Variants in SGMS1 observed in about 807,000 individuals in gnomAD.
SGMS1 encodes phosphatidylcholine:ceramide cholinephosphotransferase 1.
Under a neutral mutation model 46.2 loss-of-function variants are expected in SGMS1, and 13 were observed. That is an observed-to-expected ratio of 0.28 (90% confidence interval 0.18 to 0.45). SGMS1 has a LOEUF of 0.45. Among genes scored for constraint, SGMS1 ranks in the 20% least tolerant of loss-of-function variants. The pLI is 1.00. For synonymous variants in SGMS1, 203 were observed against 187.8 expected (o/e 1.08, Z -0.66); for missense variants, 324 against 519.9 (o/e 0.62, Z 3.66).
At chr10:50,393,255 A>G (rs1848801605) in intron 6 of SGMS1, among the ~76,000 whole-genome samples, 1 of 152,192 alleles carries the variant, frequency 6.6e-6, no homozygotes. Context: ...TACACTCTCT[A>G]TGGGAGGGCT....
Position 50,320,325 on chromosome 10 carries a change from TA to T in SGMS1, c.741+6879del, listed in dbSNP as rs201895242. 2.3e-3 allele frequency among the ~76,000 whole-genome samples: 350 copies of T among 152,332 alleles called. 1 individual carries two copies. Among genetic ancestry groups the T allele is most frequent in the Middle Eastern group, 6.8e-3 (2 of 294 alleles). ...TTGCCACTCAGTACCTATAAGACAT[TA>T]GGCTGGTCACATAACTCTGAACCAA... On this transcript the variant is annotated intron_variant, in intron 8 of 10. Coordinates refer to ENST00000361781, the MANE Select transcript of SGMS1 (RefSeq NM_147156.4).
intron 3 of SGMS1, among the ~76,000 whole-genome samples, chr10:50,515,680 AC>A (rs911972576): frequency 1.6e-4 from 25 of 151,840 alleles, no homozygotes; most frequent in Non-Finnish European, 2.2e-4. Context: ...CTACTCCATC[AC>A]CTCCCCAGCT....
At chr10:50,403,235 T>G (rs1375708880) in intron 6 of SGMS1, among the ~76,000 whole-genome samples, 2 of 152,140 alleles carry the variant, frequency 1.3e-5, no homozygotes, top group African/African-American at 4.8e-5. Context: ...ATTACGTAAA[T>G]TCAAAGAAAG....
intron 1 of SGMS1, among the ~76,000 whole-genome samples, chr10:50,607,221 G>A (rs1190676662): frequency 6.7e-6 from 1 of 149,432 alleles, no homozygotes; most frequent in Non-Finnish European, 1.5e-5. Flanking sequence ...GGGCTCAAAC[G>A]ATCCACCCAC....
intron 7 of SGMS1, chr10:50,343,251 T>C (rs1847848553): frequency 5.1e-6 from 2 of 394,766 alleles, no homozygotes; most frequent in South Asian, 9.5e-5. Flanking sequence ...AAACAGAGCA[T>C]CATCTCTAAC....
intron 8 of SGMS1, among the ~76,000 whole-genome samples, chr10:50,324,833 T>C (rs75255322): frequency 0.015 from 2,267 of 152,332 alleles, 60 homozygotes; most frequent in African/African-American, 0.052. Context: ...TGTAGGACTA[T>C]TAATCTAATG....
rs41274642 is a variant in SGMS1 at position 50,307,397 on chromosome 10, T to C, written c.1063-76A>G. On this transcript the variant is annotated intron_variant, in intron 10 of 10. Coordinates refer to ENST00000361781, the MANE Select transcript of SGMS1 (RefSeq NM_147156.4). The surrounding 1 kb of genome is among the most constrained non-coding windows in gnomAD (Gnocchi z 4.2). ...GTTCAAATACTTGCCACGCTAAAAT[T>C]CCCAAAGGACTCCATACCTGCCCTG... 0.027 allele frequency: 38,093 copies of C among 1,401,670 alleles called. 715 individuals are homozygous for C. Among genetic ancestry groups the C allele is most frequent in the South Asian group, 0.064 (4,874 of 75,640 alleles). 86.8% of individuals were successfully genotyped at this position (1,401,670 alleles called of 1,614,324 possible). A position where few individuals can be genotyped will look rare whatever the true frequency, so the allele number is the denominator to read the frequency against.
chr10:50,534,918 G>A (rs1234813972), intron 2 of SGMS1, among the ~76,000 whole-genome samples: 1 of 152,194 alleles, frequency 6.6e-6, no homozygotes, highest in Non-Finnish European at 1.5e-5. Flanking sequence ...ACATTGCTAA[G>A]TGAATAACTT....
chr10:50,327,124 T>C, intron 8 of SGMS1, 81 bp downstream of exon 8: 5 of 800,656 alleles, frequency 6.2e-6, no homozygotes, highest in Non-Finnish European at 1.1e-5. Context: ...GAAGAAACGT[T>C]TTCCTGCAAC....
At chr10:50,455,251 T>C (rs1227429632) in intron 5 of SGMS1, among the ~76,000 whole-genome samples, 1 of 152,210 alleles carries the variant, frequency 6.6e-6, no homozygotes, top group African/African-American at 2.4e-5. Flanking sequence ...ATATACACAG[T>C]TCATATACAA....
intron 6 of SGMS1, among the ~76,000 whole-genome samples, chr10:50,371,825 C>T (rs966271465): frequency 2.0e-5 from 3 of 152,162 alleles, no homozygotes; most frequent in African/African-American, 7.2e-5. Context: ...TACGTCATCC[C>T]ATGGTGGAAG....
At position 50,592,305 on chromosome 10, in the gene SGMS1, A is replaced by G. The variant is rs1838549222; in HGVS notation, c.-683-2058T>C. ...TTTAAAAGTTGTTAACATTAAAACA[A>G]GTATAAATTATGGATTAGAATGTAA... is the stretch of plus-strand genomic sequence containing the variant. On this transcript the variant is annotated intron_variant, in intron 1 of 10. Transcript: ENST00000361781. Among the ~76,000 whole-genome samples the G allele has an allele frequency of 2.0e-5, 3 of 152,244 alleles. No homozygotes were observed. In the South Asian group the frequency reaches 6.2e-4, roughly 31 times the overall value.
At chr10:50,527,452 C>A (rs1282840972) in intron 2 of SGMS1, among the ~76,000 whole-genome samples, 1 of 152,134 alleles carries the variant, frequency 6.6e-6, no homozygotes, top group Non-Finnish European at 1.5e-5. Context: ...GAAACTGAGG[C>A]ACAGAGAGAA....
chr10:50,397,395 T>C (rs973195217), intron 6 of SGMS1, among the ~76,000 whole-genome samples: 1 of 152,152 alleles, frequency 6.6e-6, no homozygotes, highest in Non-Finnish European at 1.5e-5. Context: ...AAACCAAGTA[T>C]GGTTAGCTGG....
intron 2 of SGMS1, among the ~76,000 whole-genome samples, chr10:50,556,771 C>T (rs1050895160): frequency 6.6e-6 from 1 of 152,122 alleles, no homozygotes; most frequent in African/African-American, 2.4e-5. Flanking sequence ...AGATGAGAAA[C>T]AGCAAAAACA....
chr10:50,358,526 T>C (rs1223572084), intron 6 of SGMS1, among the ~76,000 whole-genome samples: 2 of 152,058 alleles, frequency 1.3e-5, no homozygotes, highest in African/African-American at 4.8e-5. Flanking sequence ...CTGTGTCTAC[T>C]AAAAATACAA....
chr10:50,427,377 T>G (rs578085216), intron 6 of SGMS1, among the ~76,000 whole-genome samples: 4 of 152,176 alleles, frequency 2.6e-5, no homozygotes, highest in African/African-American at 9.7e-5. Flanking sequence ...CCAGCCTGTG[T>G]AACAGAGCGA....
At chr10:50,562,996 T>C (rs1838255088) in intron 2 of SGMS1, among the ~76,000 whole-genome samples, 1 of 152,208 alleles carries the variant, frequency 6.6e-6, no homozygotes. Flanking sequence ...TGTCTAGCTC[T>C]TCCTGTAAAA....
At chr10:50,573,742 C>T (rs767198006) in intron 2 of SGMS1, among the ~76,000 whole-genome samples, 16 of 152,080 alleles carry the variant, frequency 1.1e-4, no homozygotes, top group Non-Finnish European at 2.2e-4. Flanking sequence ...AAGAACAAAG[C>T]TGGAAATATC....
Sources: allele counts gnomAD v4.1 joint callset (sites outside exome capture counted in the v4.1 genomes callset), GRCh38; gene constraint gnomAD v4.1.1; non-coding constraint Gnocchi (gnomAD v3.1); transcripts MANE v1.5; gene names NCBI Gene and HGNC (gene_info 2026-07-23, HGNC 2026-07-21).